Variants in PIGT observed in about 807,000 individuals in gnomAD.
PIGT encodes the protein phosphatidylinositol glycan anchor biosynthesis class T.
In PIGT, 57 loss-of-function variants were observed where a neutral mutation model predicts 66.7. That is an observed-to-expected ratio of 0.86 (90% CI 0.69 to 1.07). The LOEUF (loss-of-function observed/expected upper bound fraction) is 1.07, where lower values mean the gene tolerates loss of function less well. PIGT is among the 50% of genes least tolerant of loss of function. PIGT has a pLI of 0.00. For missense variants in PIGT, 725 were observed against 740.4 expected (o/e 0.98, Z 0.24); for synonymous variants, 362 against 320.5 (o/e 1.13, Z -1.38).
chr20:45,421,591 C>A lies in PIGT; in HGVS notation c.1234+8C>A, dbSNP rs780635042. On this transcript the variant is annotated splice_region_variant and intron_variant, in intron 9 of 11. Transcript: ENST00000279036. ...GCAAGGAGAACAAACCAAGTGAGGACCTGAGTCCTGAACCAGGCCCCCAGC... is the reference window on the plus strand; with the variant it reads ...GCAAGGAGAACAAACCAAGTGAGGAACTGAGTCCTGAACCAGGCCCCCAGC... 1 of 1,613,098 alleles carries A rather than the reference C, an allele frequency of 6.2e-7. No individual in the cohort carries two copies. Among genetic ancestry groups the A allele is most frequent in the Admixed American group, 1.7e-5 (1 of 60,006 alleles).
At chr20:45,416,417 A>T in intron 1 of PIGT, 74 bp downstream of exon 1, 1 of 1,555,714 alleles carries the variant, frequency 6.4e-7, no homozygotes, top group Non-Finnish European at 8.7e-7. Context: ...GATGAAGGCA[A>T]ACTTTGGGGG....
chr20:45,420,524 C>G lies in PIGT; in HGVS notation c.868-4C>G. 6.2e-7 allele frequency: 1 copy of G among 1,613,706 alleles called. No homozygotes were observed. Among genetic ancestry groups the G allele is most frequent in the Non-Finnish European group, 8.5e-7 (1 of 1,179,936 alleles). On this transcript the variant is annotated splice_polypyrimidine_tract_variant and splice_region_variant and intron_variant, in intron 7 of 11. Coordinates refer to ENST00000279036, the MANE Select transcript of PIGT (RefSeq NM_015937.6). The stretch of plus-strand genomic sequence containing the variant: ...GCTTCTTAGCCCTGCCTTTGTGTCC[C>G]CAGGACAACGAGACATTAGAGGTGC...
intron 11 of PIGT, chr20:45,425,221 CTTAT>C (rs1990666675): frequency 9.2e-6 from 1 of 108,878 alleles, no homozygotes; most frequent in Non-Finnish European, 1.9e-5. Flanking sequence ...TTCTTTCTTT[CTTAT>C]TTATTTTTTA....
intron 8 of PIGT, chr20:45,421,005 G>GTGT: frequency 1.9e-6 from 1 of 524,516 alleles, no homozygotes; most frequent in Non-Finnish European, 3.4e-6. Flanking sequence ...CAGGCATAGA[G>GTGT]TGTTGAATAA....
chr20:45,420,348 G>A lies in PIGT; in HGVS notation c.786G>A (p.Arg262=). 6.2e-7 allele frequency: 1 copy of A among 1,613,136 alleles called. No homozygotes were observed. The highest frequency in any genetic ancestry group is 1.7e-4 in the Middle Eastern group (1 of 6,060). ...GQGKKDWSLF[R]MFSRTLTEPC... is the part of the protein sequence containing the mutation. ...GTTTCTCAGACTGGTCCCTCTTCCG[G>A]ATGTTCTCCCGAACCCTCACGGAGC... The change falls in exon 7 of 12, where the codon CGG becomes CGA. Residue 262 remains arginine, a synonymous_variant. Coordinates refer to ENST00000279036, the MANE Select transcript of PIGT (RefSeq NM_015937.6).
At chr20:45,421,635 T>G (rs193032432) in intron 9 of PIGT, 52 bp downstream of exon 9, 1 of 1,465,266 alleles carries the variant, frequency 6.8e-7, no homozygotes, top group East Asian at 2.3e-5. Context: ...TCATGTCCTC[T>G]CCAGGTCCCC....
intron 9 of PIGT, 186 bp from the exon 10 acceptor site, chr20:45,424,030 C>T (rs1990555320): frequency 1.6e-6 from 1 of 606,524 alleles, no homozygotes; most frequent in Non-Finnish European, 2.9e-6. Context: ...ATCCTGGGAT[C>T]ACTGCCCTGG....
chr20:45,424,831 A>G (rs1990608008), intron 11 of PIGT: 7 of 537,602 alleles, frequency 1.3e-5, no homozygotes, highest in Non-Finnish European at 2.4e-5. Context: ...GCTCTTAAAT[A>G]TTTAATCAAG....
intron 9 of PIGT, chr20:45,423,421 C>T (rs551607218): frequency 0.012 from 1,848 of 151,602 alleles, 28 homozygotes; most frequent in Non-Finnish European, 0.017. Context: ...GGGAGGATCA[C>T]TTGAACCCAG....
chr20:45,420,811 A>G, intron 8 of PIGT, 118 bp downstream of exon 8: 1 of 1,045,950 alleles, frequency 9.6e-7, no homozygotes, highest in Non-Finnish European at 1.4e-6. Context: ...CCAGAGTCAT[A>G]TGCTGCTGAC....
intron 8 of PIGT, 69 bp from the exon 9 acceptor site, chr20:45,421,314 C>T: frequency 7.3e-7 from 1 of 1,376,550 alleles, no homozygotes; most frequent in Non-Finnish European, 9.9e-7. Flanking sequence ...TGAACATGGC[C>T]TGGGCAGGTG....
intron 9 of PIGT, 27 bp from the exon 10 acceptor site, chr20:45,424,189 G>A (rs1472083913): frequency 3.1e-6 from 5 of 1,611,874 alleles, no homozygotes; most frequent in Non-Finnish European, 4.2e-6. Flanking sequence ...CCAGGAAAGA[G>A]ATGTGGGTGA....
chr20:45,419,245 G>T, intron 3 of PIGT, 50 bp from the exon 4 acceptor site: 1 of 1,466,688 alleles, frequency 6.8e-7, no homozygotes, highest in South Asian at 1.2e-5. Context: ...TGTGGATCCC[G>T]AGGGGTCAGA....
At chr20:45,425,487 T>G in intron 11 of PIGT, 87 bp from the exon 12 acceptor site, 1 of 1,450,418 alleles carries the variant, frequency 6.9e-7, no homozygotes, top group Non-Finnish European at 9.4e-7. Flanking sequence ...AACACTGTGT[T>G]GCATTGCCCA....
chr20:45,423,516 A>T (rs1462769002), intron 9 of PIGT: 2 of 151,686 alleles, frequency 1.3e-5, no homozygotes, highest in African/African-American at 4.9e-5. Context: ...AAAAAAAAAA[A>T]AGTTTCTTTT....
rs1989997269 is a variant in PIGT, at chr20:45,416,653, A to G, written c.324A>G (p.Ser108=). The G allele has an allele frequency of 6.2e-7, 1 of 1,614,066 alleles. No homozygotes were observed. The highest frequency in any genetic ancestry group is 8.5e-7 in the Non-Finnish European group (1 of 1,180,010). The change falls in exon 2 of 12, where the codon TCA becomes TCG. Residue 108 remains serine, a synonymous_variant. Coordinates refer to ENST00000279036, the MANE Select transcript of PIGT (RefSeq NM_015937.6). ...GGCCACCCTTCCTGCAGGCCCCATC[A>G]GGTGCAGAGCTGTGGGTCTGGTTCC... ...YWGPPFLQAP[S]GAELWVWFQD...
At chr20:45,417,285 A>C (rs564988705) in intron 2 of PIGT, 2 of 152,372 alleles carry the variant, frequency 1.3e-5, no homozygotes, top group Admixed American at 1.3e-4. Context: ...AGGAATGAGA[A>C]ATATATCTCA....
At chr20:45,421,613 C>T in intron 9 of PIGT, 30 bp downstream of exon 9, 1 of 1,591,470 alleles carries the variant, frequency 6.3e-7, no homozygotes, top group South Asian at 1.1e-5. Context: ...ACCAGGCCCC[C>T]AGCCCGCCCT....
chr20:45,425,968 C>T lies in PIGT; in HGVS notation c.*142C>T. The T allele has an allele frequency of 1.1e-6, 1 of 888,208 alleles. No homozygotes were observed. Among genetic ancestry groups the T allele is most frequent in the Non-Finnish European group, 1.7e-6 (1 of 597,128 alleles). The allele number at this position is 888,208 out of a possible 1,614,324, so 55.0% of individuals were successfully genotyped here. Reference sequence around the variant, plus strand: ...AGGTCAGGGCCTACAGCTGTGTTGTCCAGTACAGGAGCCACGAGCCAAATG... The same window carrying T: ...AGGTCAGGGCCTACAGCTGTGTTGTTCAGTACAGGAGCCACGAGCCAAATG... On this transcript the variant is annotated 3_prime_UTR_variant, in exon 12 of 12. Transcript: ENST00000279036.
Sources: gnomAD v4.1 joint callset for allele counts on GRCh38, gnomAD v4.1.1 for gene constraint, MANE v1.5 for transcripts, NCBI Gene and HGNC (gene_info 2026-07-23, HGNC 2026-07-21) for gene names.